The following IGF2BP3 variants were observed in gnomAD, a reference collection of about 807,000 sequenced individuals.
IGF2BP3 encodes insulin-like growth factor 2 mRNA-binding protein 3.
In IGF2BP3, 9 loss-of-function variants were observed where a neutral mutation model predicts 73.8. The ratio of observed to expected loss-of-function variants is 0.12; its 90% CI spans 0.07 to 0.21. The LOEUF (loss-of-function observed/expected upper bound fraction) is 0.21. Ranked by LOEUF, IGF2BP3 falls within the 10% of genes least tolerant of loss-of-function variation. The pLI is 1.00. For synonymous variants in IGF2BP3, 258 were observed against 256.7 expected (o/e 1.01, Z -0.05); for missense variants, 542 against 714.0 (o/e 0.76, Z 2.75).
At chr7:23,363,977 G>A (rs191173267) in intron 3 of IGF2BP3, among the ~76,000 whole-genome samples, 2 of 152,362 alleles carry the variant, frequency 1.3e-5, no homozygotes, top group Admixed American at 1.3e-4. Context: ...AGTGGCTCAT[G>A]CCTGTAATCC....
chr7:23,393,583 C>A (rs1465244034), intron 3 of IGF2BP3, among the ~76,000 whole-genome samples: 2 of 152,154 alleles, frequency 1.3e-5, no homozygotes, highest in Non-Finnish European at 2.9e-5. Context: ...CTGGGAGGGA[C>A]AGATGAGTGG....
intron 2 of IGF2BP3, among the ~76,000 whole-genome samples, chr7:23,439,488 C>T (rs571337884): frequency 1.7e-4 from 22 of 130,698 alleles, no homozygotes; most frequent in African/African-American, 5.5e-4. Context: ...GAGTAGGGGG[C>T]GGAGCTTGCA....
At chr7:23,363,127 T>C (rs1193147745) in intron 3 of IGF2BP3, among the ~76,000 whole-genome samples, 1 of 152,242 alleles carries the variant, frequency 6.6e-6, no homozygotes. Flanking sequence ...ACAAATTTTA[T>C]GGTAATTTAC....
intron 2 of IGF2BP3, among the ~76,000 whole-genome samples, chr7:23,458,496 A>G (rs968551649): frequency 2.0e-5 from 3 of 151,952 alleles, no homozygotes; most frequent in Non-Finnish European, 4.4e-5. Flanking sequence ...CGTGGACTCC[A>G]CTCCAGATAC....
intron 2 of IGF2BP3, among the ~76,000 whole-genome samples, chr7:23,452,391 T>C (rs1392833498): frequency 6.6e-6 from 1 of 152,218 alleles, no homozygotes; most frequent in Non-Finnish European, 1.5e-5. Context: ...CATGTCTTTT[T>C]GCCAAGTATG....
At position 23,312,327 on chromosome 7, in the gene IGF2BP3, G is replaced by C. The variant is rs1562662204; in HGVS notation, c.*35C>G. The C allele has an allele frequency of 6.9e-7, 1 of 1,443,654 alleles. No individual in the cohort carries two copies. The highest frequency in any genetic ancestry group is 9.7e-7 in the Non-Finnish European group (1 of 1,026,516). 89.4% of individuals were successfully genotyped at this position (1,443,654 alleles called of 1,614,324 possible). ...GGTTAAGCAATCTGTCTTTGGTTTG[G>C]CATCTGCCTCTGTGGTGGGCTGTTT... is the stretch of plus-strand genomic sequence containing the variant. On this transcript the variant is annotated 3_prime_UTR_variant, in exon 15 of 15. Transcript: ENST00000258729.
intron 3 of IGF2BP3, among the ~76,000 whole-genome samples, chr7:23,392,433 CATATATAT>C (rs141882109): frequency 7.0e-6 from 1 of 141,932 alleles, no homozygotes; most frequent in Non-Finnish European, 1.5e-5. Flanking sequence ...AGCTTATCAT[CATATATAT>C]ATATATATAT....
intron 5 of IGF2BP3, among the ~76,000 whole-genome samples, chr7:23,354,153 T>G (rs764227278): frequency 3.3e-5 from 5 of 152,092 alleles, no homozygotes; most frequent in Admixed American, 6.6e-5. Flanking sequence ...GCCACCACCC[T>G]CAGCTAATTT....
Position 23,325,464 on chromosome 7 carries a change from G to A in IGF2BP3, c.1204-6210C>T, listed in dbSNP as rs533356248. Among the ~76,000 whole-genome samples, 180 of 152,284 alleles carry A rather than the reference G, an allele frequency of 1.2e-3. 4 individuals are homozygous for A. Among genetic ancestry groups the A allele is most frequent in the African/African-American group, 4.2e-3 (176 of 41,548 alleles). Reference sequence around the variant, plus strand: ...AAGAACATTCCATGCTCATGGGTAGGAAGAATCAATATCGTGAAAATGGCC... The same window carrying A: ...AAGAACATTCCATGCTCATGGGTAGAAAGAATCAATATCGTGAAAATGGCC... On this transcript the variant is annotated intron_variant, in intron 10 of 14. Coordinates refer to ENST00000258729, the MANE Select transcript of IGF2BP3 (RefSeq NM_006547.3).
At chr7:23,420,216 T>C (rs972798774) in intron 2 of IGF2BP3, among the ~76,000 whole-genome samples, 1 of 152,242 alleles carries the variant, frequency 6.6e-6, no homozygotes, top group African/African-American at 2.4e-5. Flanking sequence ...TTGTGGCTTA[T>C]GCCTGTAATC....
chr7:23,447,351 C>T (rs73073066), intron 2 of IGF2BP3, among the ~76,000 whole-genome samples: 6,516 of 151,628 alleles, frequency 0.043, 184 homozygotes, highest in Non-Finnish European at 0.065. Context: ...TGAAGGATTA[C>T]AGGTCGCTCA....
intron 3 of IGF2BP3, among the ~76,000 whole-genome samples, chr7:23,381,286 G>C (rs1014019417): frequency 1.3e-5 from 2 of 152,204 alleles, no homozygotes; most frequent in Non-Finnish European, 2.9e-5. Flanking sequence ...GTTTCAAAGA[G>C]GAAAGGCCAC....
rs1017286209 is a variant in IGF2BP3 at position 23,318,824 on chromosome 7, C to T, written c.1320+314G>A. On this transcript the variant is annotated intron_variant, in intron 11 of 14. Coordinates refer to ENST00000258729, the MANE Select transcript of IGF2BP3 (RefSeq NM_006547.3). ...GGCAACAGACCTGATTCCTGGAGCA[C>T]TGAATGGTGTCAATCTGGAACCAAG... is the stretch of plus-strand genomic sequence containing the variant. 2.6e-5 allele frequency among the ~76,000 whole-genome samples: 4 copies of T among 152,172 alleles called. No homozygotes were observed. In the East Asian group the frequency reaches 5.8e-4, roughly 22 times the overall value.
chr7:23,439,265 AT>A (rs2128544464), intron 2 of IGF2BP3, among the ~76,000 whole-genome samples: 1 of 151,958 alleles, frequency 6.6e-6, no homozygotes, highest in East Asian at 1.9e-4. Flanking sequence ...AAAAAGTGAC[AT>A]GTTTGGCCGG....
Position 23,424,200 on chromosome 7 carries a change from T to C in IGF2BP3, c.237-5376A>G, listed in dbSNP as rs149478487. ...CGGTAAATTTTAGTTCTCAGGCTAA[T>C]AGATTAAAAATTTAAAGGCCAGGCG... On this transcript the variant is annotated intron_variant, in intron 2 of 14. Transcript: ENST00000258729. Among the ~76,000 whole-genome samples the C allele has an allele frequency of 3.3e-4, 50 of 151,634 alleles. 1 individual carries two copies. Among genetic ancestry groups the C allele is most frequent in the Admixed American group, 6.6e-4 (10 of 15,208 alleles).
chr7:23,317,892 A>AC, intron 11 of IGF2BP3, 179 bp from the exon 12 acceptor site: 1 of 626,524 alleles, frequency 1.6e-6, no homozygotes, highest in South Asian at 1.8e-5. Context: ...CCTCCTGCAT[A>AC]TACTATATGC....
intron 5 of IGF2BP3, among the ~76,000 whole-genome samples, chr7:23,359,759 G>A (rs886546956): frequency 1.3e-5 from 2 of 152,022 alleles, no homozygotes; most frequent in Admixed American, 6.6e-5. Context: ...ACAATATGGA[G>A]CCTCTGCTTT....
At chr7:23,321,163 G>A (rs200380634) in intron 10 of IGF2BP3, among the ~76,000 whole-genome samples, 110 of 143,886 alleles carry the variant, frequency 7.6e-4, no homozygotes, top group South Asian at 1.3e-3. Context: ...TGAGGTACTG[G>A]GTTCATCTCA....
chr7:23,362,667 T>C (rs1785261456), intron 3 of IGF2BP3: 1 of 152,256 alleles, frequency 6.6e-6, no homozygotes, highest in Non-Finnish European at 1.5e-5. Context: ...TGTCCTTAGC[T>C]TCTAAGAGCT....
Sources: gnomAD v4.1 joint callset for allele counts (sites outside exome capture counted in the v4.1 genomes callset) on GRCh38, gnomAD v4.1.1 for gene constraint, MANE v1.5 for transcripts, NCBI Gene and HGNC (gene_info 2026-07-23, HGNC 2026-07-21) for gene names.